The following CCSER1 variants were observed in gnomAD, a reference collection of about 807,000 sequenced individuals.
CCSER1 encodes the protein coiled-coil serine rich protein 1.
In CCSER1, 41 loss-of-function variants were observed where a neutral mutation model predicts 82.0. The observed-to-expected ratio is 0.50, with a 90% CI of 0.39 to 0.65. The LOEUF (loss-of-function observed/expected upper bound fraction) is 0.65, where lower values mean the gene tolerates loss of function less well. CCSER1 is among the 30% of genes least tolerant of loss of function. The pLI is 0.00. For missense variants in CCSER1, 1,119 were observed against 1,064.2 expected, an observed-to-expected ratio of 1.05 and a Z score of -0.72; for synonymous variants, 414 against 383.9, an observed-to-expected ratio of 1.08 and a Z score of -0.92.
intron 3 of CCSER1, among the ~76,000 whole-genome samples, chr4:90,343,320 T>C (rs1271387968): frequency 6.6e-6 from 1 of 152,216 alleles, no homozygotes; most frequent in Non-Finnish European, 1.5e-5. Context: ...GGGCCCATTA[T>C]TTATCACCTA....
At chr4:90,981,148 C>CT (rs1191650104) in intron 9 of CCSER1, among the ~76,000 whole-genome samples, 1 of 151,768 alleles carries the variant, frequency 6.6e-6, no homozygotes, top group Non-Finnish European at 1.5e-5. Context: ...TGCAATGATA[C>CT]TTAGAGTTTC....
At chr4:90,378,643 A>T (rs1457641829) in intron 3 of CCSER1, among the ~76,000 whole-genome samples, 2 of 152,208 alleles carry the variant, frequency 1.3e-5, no homozygotes, top group Non-Finnish European at 2.9e-5. Context: ...TGATATGTCA[A>T]ATATGCCTAA....
intron 9 of CCSER1, among the ~76,000 whole-genome samples, chr4:91,027,770 C>G (rs1448778614): frequency 6.6e-6 from 1 of 152,022 alleles, no homozygotes; most frequent in Non-Finnish European, 1.5e-5. Context: ...TTAGAAGGAA[C>G]CAGGCCCTGT....
intron 7 of CCSER1, among the ~76,000 whole-genome samples, chr4:90,813,214 C>T (rs142137086): frequency 5.6e-3 from 854 of 152,350 alleles, no homozygotes; most frequent in Middle Eastern, 0.01. Flanking sequence ...TGTTCTTATT[C>T]CAAATGAAAG....
chr4:91,311,610 C>T (rs1028907225), intron 10 of CCSER1, among the ~76,000 whole-genome samples: 1 of 151,836 alleles, frequency 6.6e-6, no homozygotes, highest in African/African-American at 2.4e-5. Context: ...AGTTCTTTCA[C>T]CCTTAGTAGC....
At chr4:90,228,138 G>A (rs1743608896) in intron 1 of CCSER1, among the ~76,000 whole-genome samples, 1 of 151,722 alleles carries the variant, frequency 6.6e-6, no homozygotes, top group Non-Finnish European at 1.5e-5. Context: ...AAGGAGGCCT[G>A]CCTGCCTCTG....
intron 7 of CCSER1, among the ~76,000 whole-genome samples, chr4:90,746,483 A>G (rs1357699237): frequency 2.6e-5 from 4 of 152,202 alleles, no homozygotes; most frequent in African/African-American, 9.6e-5. Flanking sequence ...CAAGTTTTCT[A>G]TAACTTATCC....
At chr4:90,962,408 A>G (rs1734132653) in intron 9 of CCSER1, among the ~76,000 whole-genome samples, 2 of 152,136 alleles carry the variant, frequency 1.3e-5, no homozygotes, top group Admixed American at 1.3e-4. Context: ...CTATTTAAAC[A>G]TAGCAATGAA....
intron 1 of CCSER1, among the ~76,000 whole-genome samples, chr4:90,293,996 G>A (rs966004945): frequency 6.6e-6 from 1 of 152,004 alleles, no homozygotes; most frequent in African/African-American, 2.4e-5. Context: ...TGAAAAACCT[G>A]GAGTGAATTA....
At chr4:91,118,345 G>T (rs747132812) in intron 10 of CCSER1, among the ~76,000 whole-genome samples, 8 of 148,420 alleles carry the variant, frequency 5.4e-5, no homozygotes, top group Non-Finnish European at 1.2e-4. Flanking sequence ...GAGTGTAATG[G>T]CTCACTACAG....
chr4:90,358,645 T>G (rs1306513952), intron 3 of CCSER1, among the ~76,000 whole-genome samples: 1 of 152,180 alleles, frequency 6.6e-6, no homozygotes, highest in Non-Finnish European at 1.5e-5. Context: ...ATACAAAATA[T>G]GAGTTATATT....
intron 10 of CCSER1, among the ~76,000 whole-genome samples, chr4:91,556,650 C>T (rs115042994): frequency 0.011 from 1,644 of 150,928 alleles, 48 homozygotes; most frequent in African/African-American, 0.038. Context: ...GCAATCCTGC[C>T]GACTCCATGA....
chr4:91,259,214 A>G (rs1397731831), intron 10 of CCSER1, among the ~76,000 whole-genome samples: 2 of 152,196 alleles, frequency 1.3e-5, no homozygotes, highest in African/African-American at 4.8e-5. Flanking sequence ...TTAAAGATGC[A>G]TATTCAGGGG....
At chr4:90,137,327 G>T (rs1004851479) in intron 1 of CCSER1, among the ~76,000 whole-genome samples, 4 of 152,138 alleles carry the variant, frequency 2.6e-5, no homozygotes. Context: ...AAATATAGGG[G>T]AATTGGAGAG....
At chr4:90,405,821 C>T (rs188600488) in intron 4 of CCSER1, among the ~76,000 whole-genome samples, 11 of 152,060 alleles carry the variant, frequency 7.2e-5, no homozygotes, top group East Asian at 5.8e-4. Context: ...TGAAATAATT[C>T]GCCACTACCA....
chr4:91,150,806 C>T (rs1045815229), intron 10 of CCSER1, among the ~76,000 whole-genome samples: 2 of 152,190 alleles, frequency 1.3e-5, no homozygotes, highest in African/African-American at 4.8e-5. Context: ...AGCCTTGCAT[C>T]TCAGAGATGA....
intron 10 of CCSER1, among the ~76,000 whole-genome samples, chr4:91,318,162 A>G (rs542084938): frequency 6.6e-6 from 1 of 152,040 alleles, no homozygotes; most frequent in African/African-American, 2.4e-5. Flanking sequence ...GAGGGGCACA[A>G]CCTTAGCTGC....
intron 8 of CCSER1, among the ~76,000 whole-genome samples, chr4:90,857,711 A>G (rs1458453295): frequency 6.6e-6 from 1 of 152,090 alleles, no homozygotes; most frequent in Non-Finnish European, 1.5e-5. Flanking sequence ...TTATATTTCT[A>G]TGCTGGGTCT....
intron 3 of CCSER1, among the ~76,000 whole-genome samples, chr4:90,332,572 G>T (rs1739516290): frequency 6.6e-6 from 1 of 152,136 alleles, no homozygotes; most frequent in Non-Finnish European, 1.5e-5. Context: ...TTACAAGGAA[G>T]TTAGATGGAT....
Sources: gnomAD v4.1 joint callset for allele counts (sites outside exome capture counted in the v4.1 genomes callset) on GRCh38, gnomAD v4.1.1 for gene constraint, MANE v1.5 for transcripts, NCBI Gene and HGNC (gene_info 2026-07-23, HGNC 2026-07-21) for gene names.